The following STPG2 variants were observed in gnomAD, a reference collection of about 807,000 sequenced individuals.
STPG2 encodes sperm-tail PG-rich repeat-containing protein 2.
STPG2 carries 56 observed loss-of-function variants against 54.2 expected under a neutral mutation model. The ratio of observed to expected loss-of-function variants is 1.03; its 90% confidence interval spans 0.83 to 1.29. STPG2 has a LOEUF of 1.29. STPG2 is among the 50% of genes most tolerant of loss of function. The pLI is 0.00. For missense variants in STPG2, 596 were observed against 544.9 expected, an observed-to-expected ratio of 1.09 and a Z score of -0.93; for synonymous variants, 200 against 181.8, an observed-to-expected ratio of 1.10 and a Z score of -0.81.
intron 10 of STPG2, among the ~76,000 whole-genome samples, chr4:97,577,104 C>T (rs114778191): frequency 0.017 from 2,639 of 152,060 alleles, 68 homozygotes; most frequent in African/African-American, 0.059. Flanking sequence ...ATGTTAGTAA[C>T]GCTGAGGAGA....
chr4:97,724,005 A>C (rs981614957), intron 9 of STPG2, among the ~76,000 whole-genome samples: 1 of 152,218 alleles, frequency 6.6e-6, no homozygotes, highest in African/African-American at 2.4e-5. Context: ...CCAGTATGTC[A>C]ACTAAATAAT....
chr4:97,783,588 G>T (rs1251898121), intron 9 of STPG2, among the ~76,000 whole-genome samples: 2 of 152,136 alleles, frequency 1.3e-5, no homozygotes, highest in African/African-American at 4.8e-5. Context: ...TATACCCAAA[G>T]GATTATAAAT....
chr4:97,897,243 C>T (rs922588538), intron 8 of STPG2, among the ~76,000 whole-genome samples: 1 of 152,022 alleles, frequency 6.6e-6, no homozygotes, highest in African/African-American at 2.4e-5. Flanking sequence ...TGATCTCATT[C>T]TTTTTTATAA....
At chr4:97,527,916 T>C (rs1346632176) in intron 4 of STPG2, among the ~76,000 whole-genome samples, 3 of 152,174 alleles carry the variant, frequency 2.0e-5, no homozygotes, top group Non-Finnish European at 2.9e-5. Context: ...GTCAGATGGA[T>C]AGATTTCAAA....
intron 5 of STPG2, among the ~76,000 whole-genome samples, chr4:98,038,355 T>C (rs559651160): frequency 2.0e-5 from 3 of 152,264 alleles, no homozygotes; most frequent in African/African-American, 7.2e-5. Flanking sequence ...GTGGTATTGG[T>C]TTGAGATTAG....
chr4:97,877,820 T>A (rs190754758), intron 8 of STPG2, among the ~76,000 whole-genome samples: 2 of 152,118 alleles, frequency 1.3e-5, no homozygotes, highest in Admixed American at 6.6e-5. Flanking sequence ...TCCCCAAAAG[T>A]CTTAACTCAT....
intron 8 of STPG2, among the ~76,000 whole-genome samples, chr4:97,863,784 C>T (rs544806850): frequency 3.9e-5 from 6 of 152,264 alleles, no homozygotes; most frequent in South Asian, 2.1e-4. Flanking sequence ...GGATGCAAGG[C>T]TGGTTCAACA....
At chr4:97,707,712 T>C (rs886709856) in intron 10 of STPG2, among the ~76,000 whole-genome samples, 2 of 152,106 alleles carry the variant, frequency 1.3e-5, no homozygotes, top group South Asian at 2.1e-4. Context: ...ATAAAGATGA[T>C]AGTCCAAATT....
intron 9 of STPG2, among the ~76,000 whole-genome samples, chr4:97,744,841 G>T (rs1340197027): frequency 6.6e-6 from 1 of 151,374 alleles, no homozygotes; most frequent in East Asian, 1.9e-4. Context: ...CGCAGAAAGT[G>T]AAAGAGTGGT....
chr4:97,848,588 G>C (rs939024591), intron 8 of STPG2, among the ~76,000 whole-genome samples: 1 of 152,014 alleles, frequency 6.6e-6, no homozygotes, highest in Non-Finnish European at 1.5e-5. Flanking sequence ...TCAAGATATT[G>C]ACTGTAGCTC....
chr4:98,037,295 T>C (rs1578802912), intron 5 of STPG2, among the ~76,000 whole-genome samples: 1 of 152,034 alleles, frequency 6.6e-6, no homozygotes, highest in Admixed American at 6.6e-5. Context: ...ATATAACAAA[T>C]GCAAGATGCT....
intron 10 of STPG2, among the ~76,000 whole-genome samples, chr4:97,664,851 G>A (rs1023912905): frequency 6.6e-6 from 1 of 152,016 alleles, no homozygotes; most frequent in Non-Finnish European, 1.5e-5. Context: ...TATTTGGCTT[G>A]TGCTACTGGC....
intron 8 of STPG2, among the ~76,000 whole-genome samples, chr4:97,897,050 C>G (rs941323902): frequency 2.0e-4 from 31 of 151,884 alleles, no homozygotes; most frequent in Non-Finnish European, 4.4e-5. Flanking sequence ...TGATCCTCTC[C>G]CTCCTCCCAC....
intron 7 of STPG2, among the ~76,000 whole-genome samples, chr4:97,946,293 T>G (rs980074687): frequency 3.9e-5 from 6 of 152,334 alleles, no homozygotes; most frequent in Admixed American, 3.9e-4. Context: ...TTCTGCATAT[T>G]AGTCCTTTGC....
intron 10 of STPG2, among the ~76,000 whole-genome samples, chr4:97,627,344 G>T (rs1734161169): frequency 6.6e-6 from 1 of 152,052 alleles, no homozygotes; most frequent in South Asian, 2.1e-4. Flanking sequence ...GCTCAATATG[G>T]AATTCTAAAA....
chr4:98,008,409 G>T (rs1050405686), intron 5 of STPG2, among the ~76,000 whole-genome samples: 1 of 151,912 alleles, frequency 6.6e-6, no homozygotes, highest in African/African-American at 2.4e-5. Flanking sequence ...GAGGGAACTG[G>T]TCCCCACTAG....
intron 9 of STPG2, among the ~76,000 whole-genome samples, chr4:97,736,711 T>A (rs1421310957): frequency 6.6e-6 from 1 of 152,130 alleles, no homozygotes; most frequent in African/African-American, 2.4e-5. Context: ...GCCGGGAAGC[T>A]CGAACTGGGT....
intron 4 of STPG2, among the ~76,000 whole-genome samples, chr4:97,500,967 A>G (rs189192345): frequency 1.2e-3 from 181 of 152,202 alleles, no homozygotes; most frequent in Admixed American, 3.3e-3. Context: ...AAGGTGATCA[A>G]TCAAGCACTT....
chr4:98,077,651 C>A (rs886426209), intron 5 of STPG2, among the ~76,000 whole-genome samples: 1 of 152,144 alleles, frequency 6.6e-6, no homozygotes, highest in Admixed American at 6.5e-5. Context: ...AATGTTACTA[C>A]ATATGTAGAA....
Sources: gnomAD v4.1 joint callset for allele counts (sites outside exome capture counted in the v4.1 genomes callset) on GRCh38, gnomAD v4.1.1 for gene constraint, MANE v1.5 for transcripts, NCBI Gene and HGNC (gene_info 2026-07-23, HGNC 2026-07-21) for gene names.